The following ACSL1 variants were observed in gnomAD, a reference collection of about 807,000 sequenced individuals.
The protein encoded by ACSL1 is acyl-CoA synthetase long chain family member 1, also known as long-chain-fatty-acid--CoA ligase 1.
ACSL1 carries 41 observed loss-of-function variants against 98.4 expected under a neutral mutation model. The ratio of observed to expected loss-of-function variants is 0.42; its 90% CI spans 0.32 to 0.54. The LOEUF is 0.54. Ranked by LOEUF, ACSL1 falls within the 20% of genes least tolerant of loss-of-function variation. The pLI is 0.13. For missense variants in ACSL1, 734 were observed against 883.1 expected, an observed-to-expected ratio of 0.83 and a Z score of 2.14; for synonymous variants, 316 against 322.7, an observed-to-expected ratio of 0.98 and a Z score of 0.22.
At chr4:184,765,804 C>T in intron 14 of ACSL1, 87 bp downstream of exon 14, 1 of 1,125,298 alleles carries the variant, frequency 8.9e-7, no homozygotes, top group Non-Finnish European at 1.3e-6. Context: ...AACACACACA[C>T]ACACACACAG....
Position 184,805,945 on chromosome 4 carries a change from G to A in ACSL1, c.-32-2399C>T, listed in dbSNP as rs978458192. Among the ~76,000 whole-genome samples the A allele has an allele frequency of 1.2e-4, 18 of 152,284 alleles. 2 individuals are homozygous for A. Among genetic ancestry groups the A allele is most frequent in the Admixed American group, 5.9e-4 (9 of 15,300 alleles). The stretch of plus-strand genomic sequence containing the variant: ...CCACTGAAATGAAGGATAGGATGCC[G>A]GGTGGTATGTCTAACCAAGGTAAGG... On this transcript the variant is annotated intron_variant, in intron 1 of 20. Transcript: ENST00000281455.
At position 184,803,438 on chromosome 4, in the gene ACSL1, G is replaced by A. The variant is rs371273676; in HGVS notation, c.77C>T (p.Pro26Leu). The change falls in exon 2 of 21, where the codon CCG becomes CTG. Residue 26 changes from proline to leucine, a missense_variant. Coordinates refer to ENST00000281455, the MANE Select transcript of ACSL1 (RefSeq NM_001995.5). The surrounding 1 kb of genome is among the most constrained non-coding windows in gnomAD (Gnocchi z 4.8). ...VDFRQYVRTL[P>L]TNTLMGFGAF... ...TCCGAAGCCCATAAGCGTGTTGGTC[G>A]GAAGAGTACGCACGTACTGTCGGAA... The A allele has an allele frequency of 1.4e-5, 23 of 1,613,914 alleles. No individual in the cohort carries two copies. Among genetic ancestry groups the A allele is most frequent in the African/African-American group, 2.7e-5 (2 of 75,022 alleles).
chr4:184,791,837 G>A (rs2150391626), intron 2 of ACSL1, among the ~76,000 whole-genome samples: 1 of 152,224 alleles, frequency 6.6e-6, no homozygotes, highest in East Asian at 1.9e-4. Flanking sequence ...AAGGAGGGCT[G>A]AGAAGAAAAA....
At chr4:184,808,561 T>A in intron 1 of ACSL1, 1 of 944,634 alleles carries the variant, frequency 1.1e-6, no homozygotes, top group Non-Finnish European at 1.3e-6. Flanking sequence ...CCTCCCCTTG[T>A]ACAATAGGCT....
In ACSL1 at chr4:184,766,611, TC is replaced by T. The variant is rs1763647390; in HGVS notation, c.1263+10del. The T allele has an allele frequency of 6.2e-7, 1 of 1,609,858 alleles. No homozygotes were observed. Among genetic ancestry groups the T allele is most frequent in the East Asian group, 2.2e-5 (1 of 44,720 alleles). ...TTTCCATGGGAGCAGTGGCTGTGAG[TC>T]ACGTGTTACCTGTACTTTGTGGAAG... On this transcript the variant is annotated intron_variant, in intron 13 of 20. Coordinates refer to ENST00000281455, the MANE Select transcript of ACSL1 (RefSeq NM_001995.5). The surrounding 1 kb of genome is among the most constrained non-coding windows in gnomAD (Gnocchi z 4.8).
chr4:184,778,458 C>A (rs558949145), intron 5 of ACSL1, among the ~76,000 whole-genome samples: 26 of 152,340 alleles, frequency 1.7e-4, no homozygotes, highest in African/African-American at 6.3e-4. Flanking sequence ...AAATGCTCCA[C>A]TCCCAGACAC....
intron 18 of ACSL1, among the ~76,000 whole-genome samples, chr4:184,759,408 G>A (rs1280897868): frequency 6.6e-6 from 1 of 152,098 alleles, no homozygotes; most frequent in Admixed American, 6.6e-5. Flanking sequence ...GCAACCTACA[G>A]AACGGGAGAA....
intron 12 of ACSL1, 53 bp downstream of exon 12, chr4:184,768,263 C>A: frequency 1.3e-6 from 2 of 1,562,766 alleles, no homozygotes; most frequent in South Asian, 1.2e-5. Context: ...CAAGCCCAAG[C>A]CCCTGCGTCC....
In ACSL1 at chr4:184,773,255, G is replaced by A. The variant is rs1175212456; in HGVS notation, c.842-101C>T. 1.9e-6 allele frequency: 2 copies of A among 1,028,972 alleles called. No individual in the cohort carries two copies. The highest frequency in any genetic ancestry group is 3.2e-5 in the African/African-American group (2 of 62,420). 63.7% of individuals were successfully genotyped at this position (1,028,972 alleles called of 1,614,324 possible). On this transcript the variant is annotated intron_variant, in intron 9 of 20. Transcript: ENST00000281455. The surrounding 1 kb of genome is among the most constrained non-coding windows in gnomAD (Gnocchi z 4.3). ...AGGGCTTCAGACACCTCTACTGTTA[G>A]ATATATCGTGAAAACCAAATGTTGA...
chr4:184,781,473 G>A (rs2150351426), intron 4 of ACSL1, among the ~76,000 whole-genome samples: 1 of 151,986 alleles, frequency 6.6e-6, no homozygotes, highest in Middle Eastern at 3.4e-3. Flanking sequence ...TAATAACTAA[G>A]TAAAAATTGA....
intron 1 of ACSL1, among the ~76,000 whole-genome samples, chr4:184,824,954 T>A (rs890351788): frequency 6.6e-6 from 1 of 152,204 alleles, no homozygotes; most frequent in African/African-American, 2.4e-5. Context: ...ACTGCAAGAT[T>A]TAACCAGTTT....
intron 14 of ACSL1, among the ~76,000 whole-genome samples, chr4:184,765,326 C>T (rs1314258370): frequency 1.3e-5 from 2 of 152,330 alleles, no homozygotes; most frequent in East Asian, 3.9e-4. Flanking sequence ...TCCACAGCTG[C>T]ATACCTGCTT....
At chr4:184,818,876 T>C (rs1321903547) in intron 1 of ACSL1, among the ~76,000 whole-genome samples, 1 of 152,102 alleles carries the variant, frequency 6.6e-6, no homozygotes, top group Non-Finnish European at 1.5e-5. Context: ...CCAAAGTTCC[T>C]CTACTGCCCC....
intron 2 of ACSL1, among the ~76,000 whole-genome samples, chr4:184,800,016 T>TA (rs1770196960): frequency 6.6e-6 from 1 of 152,200 alleles, no homozygotes; most frequent in Non-Finnish European, 1.5e-5. Context: ...GAAGGCAGCA[T>TA]AACAGAGTTC....
At chr4:184,807,210 T>C (rs1423976684) in intron 1 of ACSL1, among the ~76,000 whole-genome samples, 2 of 152,232 alleles carry the variant, frequency 1.3e-5, no homozygotes, top group Non-Finnish European at 2.9e-5. Flanking sequence ...TGTATTCTTA[T>C]TCCAGTAGTG....
intron 1 of ACSL1, chr4:184,815,050 C>T (rs760801317): frequency 2.2e-6 from 1 of 456,274 alleles, no homozygotes; most frequent in South Asian, 1.5e-5. Context: ...ACAAACACAC[C>T]TGCAAGAGTT....
At chr4:184,805,499 G>C (rs1203002874) in intron 1 of ACSL1, 3 of 985,300 alleles carry the variant, frequency 3.0e-6, no homozygotes, top group East Asian at 1.1e-4. Context: ...CTGGAAAGAA[G>C]GCACCAGCAC....
rs62338197 is a variant in ACSL1 at position 184,775,567 on chromosome 4, G to A, written c.756+917C>T. 8.9e-3 allele frequency among the ~76,000 whole-genome samples: 1,362 copies of A among 152,270 alleles called. 7 individuals carry two copies. The highest frequency in any genetic ancestry group is 0.012 in the Non-Finnish European group (803 of 68,010). On this transcript the variant is annotated intron_variant, in intron 7 of 20. Coordinates refer to ENST00000281455, the MANE Select transcript of ACSL1 (RefSeq NM_001995.5). ...CAGCACTTGCGGAATCACGTTCGATGCTACTGAGAGAGAGAGTTGGGCAGG... is the reference window on the plus strand; with the variant it reads ...CAGCACTTGCGGAATCACGTTCGATACTACTGAGAGAGAGAGTTGGGCAGG...
chr4:184,796,853 G>A (rs1032994185), intron 2 of ACSL1, among the ~76,000 whole-genome samples: 3 of 152,208 alleles, frequency 2.0e-5, no homozygotes, highest in African/African-American at 7.2e-5. Flanking sequence ...ACAAATGACT[G>A]CAGAAACAAC....
Sources: allele counts gnomAD v4.1 joint callset (sites outside exome capture counted in the v4.1 genomes callset), GRCh38; gene constraint gnomAD v4.1.1; non-coding constraint Gnocchi (gnomAD v3.1); transcripts MANE v1.5; gene names NCBI Gene and HGNC (gene_info 2026-07-23, HGNC 2026-07-21).